Variants in AKAP13 observed in about 807,000 individuals in gnomAD.
AKAP13 encodes A-kinase anchoring protein 13, also known as A-kinase anchor protein 13.
Under a neutral mutation model 264.5 loss-of-function variants are expected in AKAP13, and 80 were observed. The observed-to-expected ratio is 0.30, with a 90% CI of 0.25 to 0.36. The LOEUF is 0.36. AKAP13 is among the 10% of genes least tolerant of loss of function. The probability of loss-of-function intolerance (pLI) is 1.00; values close to 1 mark genes in which losing one functional copy is unlikely to be tolerated. For synonymous variants in AKAP13, 1,380 were observed against 1,250.2 expected, an observed-to-expected ratio of 1.10 and a Z score of -2.19; for missense variants, 3,712 against 3,435.2, an observed-to-expected ratio of 1.08 and a Z score of -2.01.
intron 8 of AKAP13, among the ~76,000 whole-genome samples, chr15:85,633,669 G>A (rs991831599): frequency 8.8e-5 from 13 of 147,646 alleles, no homozygotes; most frequent in African/African-American, 1.2e-4. Flanking sequence ...TCAGCCTCCC[G>A]AGTAGCTGGG....
chr15:85,470,816 A>T (rs1174257719), intron 1 of AKAP13, among the ~76,000 whole-genome samples: 1 of 152,174 alleles, frequency 6.6e-6, no homozygotes, highest in Non-Finnish European at 1.5e-5. Flanking sequence ...TACTTTGGAG[A>T]TGTGGGGAGA....
chr15:85,662,183 A>G lies in AKAP13; in HGVS notation c.4800-2380A>G, dbSNP rs1326437637. Among the ~76,000 whole-genome samples the G allele has an allele frequency of 2.6e-5, 4 of 152,354 alleles. No homozygotes were observed. The East Asian group carries it at 5.8e-4, about 22-fold the overall frequency. On this transcript the variant is annotated intron_variant, in intron 12 of 36. Coordinates refer to ENST00000394518, the MANE Select transcript of AKAP13 (RefSeq NM_007200.5). ...ACAGTCTTTTTCCACAATGCTGTCT[A>G]GACAAGAAGAAAATATTTTTAAGTT...
intron 19 of AKAP13, among the ~76,000 whole-genome samples, chr15:85,711,541 C>T (rs1453135227): frequency 6.6e-6 from 1 of 152,102 alleles, no homozygotes; most frequent in Admixed American, 6.5e-5. Flanking sequence ...TTGAGATATG[C>T]ATGTTATTGT....
Position 85,533,584 on chromosome 15 carries a change from G to A in AKAP13, c.182G>A (p.Gly61Asp). 1.6e-5 allele frequency: 25 copies of A among 1,604,372 alleles called. No individual in the cohort carries two copies. Among genetic ancestry groups the A allele is most frequent in the Non-Finnish European group, 2.1e-5 (25 of 1,174,644 alleles). The change falls in exon 4 of 37, where the codon GGT becomes GAT. Residue 61 changes from glycine (G) to aspartate (D), a missense_variant and splice_region_variant. By Grantham distance (94) the Gly-to-Asp change is moderately conservative (BLOSUM62 -1). Around this residue, in one of 3 missense-constraint regions of AKAP13, gnomAD observed 2,759 missense variants for 2,411.7 expected, o/e 1.14. Transcript: ENST00000394518. ...TATTTGCTGCCTGTGTTTCCTTTAG[G>A]TCATGATTGTTGTGAAACAGTGAAG... The part of the protein sequence containing the change: ...SSDTLETIAP[G>D]HDCCETVKVQ...
chr15:85,487,959 G>A (rs573548849), intron 2 of AKAP13, among the ~76,000 whole-genome samples: 10 of 152,158 alleles, frequency 6.6e-5, no homozygotes, highest in South Asian at 4.1e-4. Context: ...GTGCAGTGGC[G>A]CGACCATGAC....
At chr15:85,467,091 C>T (rs934403395) in intron 1 of AKAP13, among the ~76,000 whole-genome samples, 4 of 152,054 alleles carry the variant, frequency 2.6e-5, no homozygotes, top group Admixed American at 2.0e-4. Context: ...CACACACACA[C>T]ACACACACAC....
At chr15:85,586,707 C>T (rs1242304998) in intron 8 of AKAP13, among the ~76,000 whole-genome samples, 1 of 151,998 alleles carries the variant, frequency 6.6e-6, no homozygotes, top group Non-Finnish European at 1.5e-5. Context: ...GGGTGGATTA[C>T]CTGAGGTCGG....
At chr15:85,514,989 A>T (rs762039549) in intron 2 of AKAP13, among the ~76,000 whole-genome samples, 1 of 137,322 alleles carries the variant, frequency 7.3e-6, no homozygotes, top group Non-Finnish European at 1.5e-5. Context: ...ATTTTGTCAG[A>T]CTGGGAAATA....
At position 85,448,582 on chromosome 15, in the gene AKAP13, A is replaced by G. The variant is rs190511732; in HGVS notation, c.-11-37128A>G. 1.3e-3 allele frequency among the ~76,000 whole-genome samples: 195 copies of G among 152,246 alleles called. 1 individual carries two copies. Among genetic ancestry groups the G allele is most frequent in the African/African-American group, 4.4e-3 (184 of 41,544 alleles). Reference sequence around the variant, plus strand: ...GGGGTCCAGCTTCAAACTTGTACATATGGTTAGCCTGTTATCCCAGCACCA... The same window carrying G: ...GGGGTCCAGCTTCAAACTTGTACATGTGGTTAGCCTGTTATCCCAGCACCA... On this transcript the variant is annotated intron_variant, in intron 1 of 36. Transcript: ENST00000394518.
intron 1 of AKAP13, among the ~76,000 whole-genome samples, chr15:85,396,615 A>T (rs1291598797): frequency 6.6e-6 from 1 of 152,108 alleles, no homozygotes; most frequent in Non-Finnish European, 1.5e-5. Context: ...GTGATTTTTA[A>T]ATGGTATTTT....
At chr15:85,609,830 C>G (rs1017247039) in intron 8 of AKAP13, among the ~76,000 whole-genome samples, 9 of 152,340 alleles carry the variant, frequency 5.9e-5, no homozygotes, top group African/African-American at 1.9e-4. Flanking sequence ...CCCACCTCCT[C>G]TCTTCCATTT....
At chr15:85,743,946 C>A in intron 36 of AKAP13, 121 bp downstream of exon 36, 2 of 1,177,316 alleles carry the variant, frequency 1.7e-6, no homozygotes, top group Non-Finnish European at 2.3e-6. Context: ...AAAAGCCAAA[C>A]TGCCATCCTT....
In AKAP13 at chr15:85,718,984, C is replaced by T; in HGVS notation, c.6002-92C>T. The T allele has an allele frequency of 1.9e-6, 3 of 1,542,184 alleles. No individual in the cohort carries two copies. The highest frequency in any genetic ancestry group is 2.6e-6 in the Non-Finnish European group (3 of 1,143,822). ...CCAATTTTAAGGTTCAAATTGGGCT[C>T]TAAACTAGCTTTGGGACTGCAGCAG... is the stretch of plus-strand genomic sequence containing the variant. On this transcript the variant is annotated intron_variant, in intron 22 of 36. Transcript: ENST00000394518. The surrounding 1 kb of genome is among the most constrained non-coding windows in gnomAD (Gnocchi z 4.9).
intron 2 of AKAP13, among the ~76,000 whole-genome samples, chr15:85,496,390 T>A (rs543033506): frequency 6.6e-6 from 1 of 152,314 alleles, no homozygotes; most frequent in African/African-American, 2.4e-5. Context: ...TCTCTGTTTA[T>A]GCTAATTAAA....
At chr15:85,638,441 G>A (rs557233428) in intron 8 of AKAP13, among the ~76,000 whole-genome samples, 1 of 152,250 alleles carries the variant, frequency 6.6e-6, no homozygotes, top group Admixed American at 6.5e-5. Flanking sequence ...ACTTGAGAAT[G>A]TTTCTTATGC....
intron 1 of AKAP13, 81 bp downstream of exon 1, chr15:85,380,879 G>C (rs1487151231): frequency 6.6e-6 from 1 of 152,136 alleles, no homozygotes; most frequent in East Asian, 1.9e-4. Flanking sequence ...CCAGTCCCCT[G>C]CGGTTGCTCG....
intron 13 of AKAP13, among the ~76,000 whole-genome samples, chr15:85,666,732 C>A (rs1408527714): frequency 1.3e-5 from 2 of 152,066 alleles, no homozygotes; most frequent in Non-Finnish European, 2.9e-5. Context: ...CTCTTTATCA[C>A]CATCTAATCA....
At chr15:85,604,000 CATT>C (rs1490465881) in intron 8 of AKAP13, among the ~76,000 whole-genome samples, 1 of 152,150 alleles carries the variant, frequency 6.6e-6, no homozygotes, top group East Asian at 1.9e-4. Context: ...ACATGGCAGA[CATT>C]TATAATGTCT....
At chr15:85,682,713 G>A (rs531713717) in intron 15 of AKAP13, among the ~76,000 whole-genome samples, 1 of 152,126 alleles carries the variant, frequency 6.6e-6, no homozygotes, top group African/African-American at 2.4e-5. Flanking sequence ...TGTTGCCCAG[G>A]CTGGAGTGCA....
Sources: gnomAD v4.1 joint callset for allele counts (sites outside exome capture counted in the v4.1 genomes callset) on GRCh38, gnomAD v4.1.1 for gene constraint, gnomAD v4.1.1 regional missense constraint, Gnocchi (gnomAD v3.1) non-coding constraint, MANE v1.5 for transcripts, NCBI Gene and HGNC (gene_info 2026-07-23, HGNC 2026-07-21) for gene names.